The following PCDH15 variants were observed in gnomAD, a reference collection of about 807,000 sequenced individuals.
PCDH15 encodes protocadherin-15.
A neutral mutation model predicts 178.5 loss-of-function variants in PCDH15; 129 were observed. The observed-to-expected ratio is 0.72, with a 90% CI of 0.63 to 0.84. PCDH15 has a LOEUF of 0.84. Among genes scored for constraint, PCDH15 ranks in the 40% least tolerant of loss-of-function variants. PCDH15 has a pLI of 0.00. For synonymous variants in PCDH15, 800 were observed against 732.0 expected (o/e 1.09, Z -1.50); for missense variants, 2,230 against 2,099.9 (o/e 1.06, Z -1.21).
chr10:54,504,339 T>C (rs1589757534), intron 3 of PCDH15, among the ~76,000 whole-genome samples: 1 of 152,142 alleles, frequency 6.6e-6, no homozygotes, highest in Non-Finnish European at 1.5e-5. Flanking sequence ...GGAAAATTGC[T>C]ACAAATTCCT....
intron 2 of PCDH15, among the ~76,000 whole-genome samples, chr10:54,616,390 C>A (rs2134332929): frequency 6.6e-6 from 1 of 152,124 alleles, no homozygotes; most frequent in East Asian, 1.9e-4. Context: ...TCAGTGAAAT[C>A]ATAGAACTGC....
chr10:55,142,633 T>A (rs1218126038), intron 2 of PCDH15, among the ~76,000 whole-genome samples: 1 of 72,494 alleles, frequency 1.4e-5, no homozygotes, highest in Non-Finnish European at 3.4e-5. Flanking sequence ...AATATATTTG[T>A]ACTCCTATGT....
chr10:54,271,473 T>C (rs750322872), intron 8 of PCDH15, among the ~76,000 whole-genome samples: 5 of 152,114 alleles, frequency 3.3e-5, no homozygotes, highest in Non-Finnish European at 5.9e-5. Flanking sequence ...CAGCCTCCAA[T>C]AGATGCTGGG....
Position 53,822,705 on chromosome 10 carries a change from A to T in PCDH15, c.4368-2475T>A, listed in dbSNP as rs945599986. 1 of 1,614,086 alleles carries T rather than the reference A, an allele frequency of 6.2e-7. No individual in the cohort carries two copies. The highest frequency in any genetic ancestry group is 8.5e-7 in the Non-Finnish European group (1 of 1,179,976). On this transcript the variant is annotated intron_variant, in intron 32 of 37. Transcript: ENST00000644397. ...TTCCACAGTTCTTGAAACAGTTGGC[A>T]AAGTGGAGAATGAGAAGTGAGGCCT... is the stretch of plus-strand genomic sequence containing the variant.
intron 11 of PCDH15, among the ~76,000 whole-genome samples, chr10:54,187,662 C>T (rs2384392): frequency 0.44 from 66,160 of 151,552 alleles, 17,551 homozygotes; most frequent in East Asian, 0.94. Flanking sequence ...AGTGTATTTG[C>T]TTTTTGTGAA....
At chr10:55,314,681 A>G (rs766969301) in intron 1 of PCDH15, among the ~76,000 whole-genome samples, 1 of 152,162 alleles carries the variant, frequency 6.6e-6, no homozygotes, top group Non-Finnish European at 1.5e-5. Context: ...AAAATCCAAA[A>G]CAAAGGCATC....
intron 2 of PCDH15, among the ~76,000 whole-genome samples, chr10:54,556,630 T>A (rs1236657059): frequency 6.7e-6 from 1 of 150,138 alleles, no homozygotes; most frequent in Non-Finnish European, 1.5e-5. Flanking sequence ...AAGAGACTTT[T>A]TTTTTTTCGG....
intron 2 of PCDH15, among the ~76,000 whole-genome samples, chr10:54,587,211 C>T (rs1417465822): frequency 6.6e-6 from 1 of 152,126 alleles, no homozygotes; most frequent in Non-Finnish European, 1.5e-5. Flanking sequence ...TCATCACATG[C>T]AGACAGAAAA....
chr10:55,050,683 A>C (rs1467979109), intron 2 of PCDH15, among the ~76,000 whole-genome samples: 1 of 151,966 alleles, frequency 6.6e-6, no homozygotes, highest in African/African-American at 2.4e-5. Flanking sequence ...TTCATGGTTT[A>C]TTTTTCTCCT....
intron 3 of PCDH15, among the ~76,000 whole-genome samples, chr10:54,436,409 T>G (rs2075421487): frequency 6.6e-6 from 1 of 151,858 alleles, no homozygotes; most frequent in Admixed American, 6.6e-5. Flanking sequence ...AATATGTTAT[T>G]AATGAACAAA....
chr10:54,214,867 A>C (rs1197875466), intron 9 of PCDH15, among the ~76,000 whole-genome samples: 1 of 152,220 alleles, frequency 6.6e-6, no homozygotes, highest in African/African-American at 2.4e-5. Context: ...CTAGAATTAC[A>C]GGTGTGAGCC....
chr10:55,459,955 C>T (rs2132091279), intron 2 of PCDH15, among the ~76,000 whole-genome samples: 1 of 151,992 alleles, frequency 6.6e-6, no homozygotes, highest in South Asian at 2.1e-4. Context: ...AGATCATGGG[C>T]ACTGAATGGT....
chr10:54,437,276 TA>T (rs1460608446), intron 3 of PCDH15, among the ~76,000 whole-genome samples: 3 of 152,188 alleles, frequency 2.0e-5, no homozygotes, highest in Non-Finnish European at 4.4e-5. Flanking sequence ...GGTATTACAC[TA>T]ATTAACAACA....
intron 2 of PCDH15, among the ~76,000 whole-genome samples, chr10:55,612,615 C>T (rs1341806796): frequency 1.3e-5 from 2 of 152,096 alleles, no homozygotes; most frequent in Non-Finnish European, 2.9e-5. Flanking sequence ...TAAAGTGAAT[C>T]ATATATTTGC....
chr10:54,716,127 G>A (rs944406752), intron 1 of PCDH15, among the ~76,000 whole-genome samples: 2 of 152,118 alleles, frequency 1.3e-5, no homozygotes, highest in African/African-American at 4.8e-5. Context: ...GCATGTGCAT[G>A]CCATTGGGAA....
intron 4 of PCDH15, among the ~76,000 whole-genome samples, chr10:54,377,361 G>A (rs1300969040): frequency 6.6e-6 from 1 of 152,060 alleles, no homozygotes; most frequent in African/African-American, 2.4e-5. Context: ...TATTTGTCTA[G>A]CAGTAATGGT....
intron 20 of PCDH15, among the ~76,000 whole-genome samples, chr10:54,014,330 T>C (rs1423310570): frequency 1.2e-5 from 1 of 82,110 alleles, no homozygotes; most frequent in Non-Finnish European, 2.6e-5. Context: ...AGCCAAATTC[T>C]ACCACATGTA....
At chr10:55,345,823 C>T (rs1844738859) in intron 2 of PCDH15, among the ~76,000 whole-genome samples, 1 of 151,736 alleles carries the variant, frequency 6.6e-6, no homozygotes, top group Non-Finnish European at 1.5e-5. Context: ...TCAAGTTATA[C>T]ATATATGTAA....
chr10:55,290,612 G>C (rs1842984980), intron 1 of PCDH15, among the ~76,000 whole-genome samples: 1 of 152,006 alleles, frequency 6.6e-6, no homozygotes, highest in Non-Finnish European at 1.5e-5. Flanking sequence ...TAATACCACT[G>C]TATCATTGCA....
Sources: gnomAD v4.1 joint callset for allele counts (sites outside exome capture counted in the v4.1 genomes callset) on GRCh38, gnomAD v4.1.1 for gene constraint, MANE v1.5 for transcripts, NCBI Gene and HGNC (gene_info 2026-07-23, HGNC 2026-07-21) for gene names.